Variants in TBC1D4 observed in about 807,000 individuals in gnomAD.
TBC1D4 encodes TBC1 domain family member 4.
Under a neutral mutation model 142.5 loss-of-function variants are expected in TBC1D4, and 121 were observed. That is an observed-to-expected ratio of 0.85 (90% CI 0.73 to 0.99). The LOEUF is 0.99. TBC1D4 is among the 50% of genes least tolerant of loss of function. The pLI is 0.00. For missense variants in TBC1D4, 1,475 were observed against 1,606.6 expected (o/e 0.92, Z 1.40); for synonymous variants, 630 against 628.2 (o/e 1.00, Z -0.04).
chr13:75,389,697 G>A (rs1312209002), intron 1 of TBC1D4, among the ~76,000 whole-genome samples: 2 of 152,054 alleles, frequency 1.3e-5, no homozygotes, highest in East Asian at 1.9e-4. Context: ...GATAAAATTA[G>A]TCATATGAAT....
At chr13:75,288,181 T>C (rs1233903626) in intron 20 of TBC1D4, among the ~76,000 whole-genome samples, 3 of 152,196 alleles carry the variant, frequency 2.0e-5, no homozygotes, top group East Asian at 1.9e-4. Flanking sequence ...ATGTAACATT[T>C]GCATGGGATT....
chr13:75,442,209 T>C (rs1483502362), intron 1 of TBC1D4, among the ~76,000 whole-genome samples: 2 of 152,182 alleles, frequency 1.3e-5, no homozygotes, highest in Admixed American at 1.3e-4. Context: ...AAATGCTCTT[T>C]TACAGTTAAC....
intron 1 of TBC1D4, among the ~76,000 whole-genome samples, chr13:75,472,422 GA>G (rs1161382661): frequency 6.6e-6 from 1 of 151,248 alleles, no homozygotes; most frequent in Admixed American, 6.6e-5. Context: ...CCGTCTCAGA[GA>G]AAAAAAATAA....
Position 75,322,224 on chromosome 13 carries a change from A to G in TBC1D4, c.2198+2013T>C, listed in dbSNP as rs1175230769. Reference sequence around the variant, plus strand: ...TGCTATCAAACTTTCAAAGTGTAGAAAAGGGTACAAACAAGTACTCTCTGA... The same window carrying G: ...TGCTATCAAACTTTCAAAGTGTAGAGAAGGGTACAAACAAGTACTCTCTGA... On this transcript the variant is annotated intron_variant, in intron 11 of 20. Coordinates refer to ENST00000377636, the MANE Select transcript of TBC1D4 (RefSeq NM_014832.5). 3.9e-5 allele frequency among the ~76,000 whole-genome samples: 6 copies of G among 152,254 alleles called. No individual in the cohort carries two copies. The East Asian group carries it at 7.7e-4, about 20-fold the overall frequency.
chr13:75,466,876 A>T (rs7321791), intron 1 of TBC1D4, among the ~76,000 whole-genome samples: 26,175 of 150,702 alleles, frequency 0.17, 2,384 homozygotes, highest in Non-Finnish European at 0.2. Context: ...TCTCAAAAAA[A>T]AATAATAATA....
At chr13:75,330,082 G>A (rs1879625808) in intron 8 of TBC1D4, among the ~76,000 whole-genome samples, 2 of 152,136 alleles carry the variant, frequency 1.3e-5, no homozygotes, top group South Asian at 4.1e-4. Context: ...TTTCCTTGCA[G>A]GCATTTTTTC....
chr13:75,393,348 T>C (rs1367085693), intron 1 of TBC1D4, among the ~76,000 whole-genome samples: 1 of 152,160 alleles, frequency 6.6e-6, no homozygotes, highest in African/African-American at 2.4e-5. Context: ...AGTAGAACAA[T>C]TAATACTGTC....
intron 1 of TBC1D4, among the ~76,000 whole-genome samples, chr13:75,436,740 A>G (rs556099335): frequency 6.6e-6 from 1 of 152,330 alleles, no homozygotes; most frequent in African/African-American, 2.4e-5. Context: ...ACTAATGGGT[A>G]AAATGTTTGA....
At chr13:75,417,989 T>A (rs1032667169) in intron 1 of TBC1D4, among the ~76,000 whole-genome samples, 2 of 152,230 alleles carry the variant, frequency 1.3e-5, no homozygotes, top group African/African-American at 2.4e-5. Context: ...GAAGTGAGTA[T>A]AAATCCCAGT....
chr13:75,463,583 T>C (rs560284987), intron 1 of TBC1D4, among the ~76,000 whole-genome samples: 1 of 152,154 alleles, frequency 6.6e-6, no homozygotes, highest in African/African-American at 2.4e-5. Context: ...CACTGATATA[T>C]CACCCTTCCT....
chr13:75,454,478 C>T (rs1223299163), intron 1 of TBC1D4, among the ~76,000 whole-genome samples: 1 of 151,930 alleles, frequency 6.6e-6, no homozygotes, highest in Non-Finnish European at 1.5e-5. Flanking sequence ...AAGATTTATC[C>T]TCAATATTTA....
intron 1 of TBC1D4, among the ~76,000 whole-genome samples, chr13:75,412,804 C>T (rs17064386): frequency 0.11 from 16,796 of 152,210 alleles, 1,026 homozygotes; most frequent in Middle Eastern, 0.17. Flanking sequence ...CTATTAACAA[C>T]GCCAATTTTC....
intron 1 of TBC1D4, among the ~76,000 whole-genome samples, chr13:75,414,898 C>T (rs1241581769): frequency 2.0e-5 from 3 of 151,534 alleles, no homozygotes; most frequent in East Asian, 3.9e-4. Context: ...CTGAGGCGGG[C>T]GGATCACCTG....
chr13:75,354,276 C>A (rs1881855924), intron 4 of TBC1D4, among the ~76,000 whole-genome samples: 4 of 152,148 alleles, frequency 2.6e-5, no homozygotes, highest in African/African-American at 9.6e-5. Flanking sequence ...CACCAGGTTC[C>A]AAGGAGGAAA....
chr13:75,367,594 T>C (rs551692576), intron 1 of TBC1D4, among the ~76,000 whole-genome samples: 1 of 151,158 alleles, frequency 6.6e-6, no homozygotes, highest in Admixed American at 6.6e-5. Flanking sequence ...TGAGAAAGAA[T>C]AGCAATTTAA....
intron 4 of TBC1D4, among the ~76,000 whole-genome samples, chr13:75,354,627 C>A (rs1881887421): frequency 6.6e-6 from 1 of 151,872 alleles, no homozygotes; most frequent in African/African-American, 2.4e-5. Context: ...CAGAACATGA[C>A]AGAAGGATCA....
In TBC1D4 at chr13:75,284,671, A is replaced by G. The variant is rs1179226733; in HGVS notation, c.*2121T>C. 1 of 152,280 alleles carries G rather than the reference A, an allele frequency of 6.6e-6. No homozygotes were observed. The highest frequency in any genetic ancestry group is 1.5e-5 in the Non-Finnish European group (1 of 68,054). 9.4% of individuals were successfully genotyped at this position (152,280 alleles called of 1,614,324 possible). On this transcript the variant is annotated 3_prime_UTR_variant, in exon 21 of 21. Coordinates refer to ENST00000377636, the MANE Select transcript of TBC1D4 (RefSeq NM_014832.5). ...TCCCGAAAAGTAACAGTATACGTCA[A>G]GAAAGCTGCAGCAATATATTTATTG...
At chr13:75,415,122 T>TCG (rs1885860043) in intron 1 of TBC1D4, among the ~76,000 whole-genome samples, 1 of 43,254 alleles carries the variant, frequency 2.3e-5, no homozygotes, top group Non-Finnish European at 5.4e-5. Flanking sequence ...AGACTCCATC[T>TCG]CACAAAAAAA....
intron 1 of TBC1D4, among the ~76,000 whole-genome samples, chr13:75,471,303 A>G (rs896873622): frequency 3.8e-4 from 58 of 152,362 alleles, no homozygotes; most frequent in Middle Eastern, 3.4e-3. Flanking sequence ...ACAGAGAATA[A>G]ACAAATTTAT....
Sources: gnomAD v4.1 joint callset for allele counts (sites outside exome capture counted in the v4.1 genomes callset) on GRCh38, gnomAD v4.1.1 for gene constraint, MANE v1.5 for transcripts, NCBI Gene and HGNC (gene_info 2026-07-23, HGNC 2026-07-21) for gene names.